Variants in ST3GAL2 observed in about 807,000 individuals in gnomAD.
ST3GAL2 encodes the protein ST3 beta-galactoside alpha-2,3-sialyltransferase 2.
Under a neutral mutation model 37.5 loss-of-function variants are expected in ST3GAL2, and 16 were observed. The ratio of observed to expected loss-of-function variants is 0.43; its 90% confidence interval spans 0.29 to 0.65. The LOEUF (loss-of-function observed/expected upper bound fraction) is 0.65, where lower values mean the gene tolerates loss of function less well. Ranked by LOEUF, ST3GAL2 falls within the 30% of genes least tolerant of loss-of-function variation. The pLI is 0.17. For synonymous variants in ST3GAL2, 238 were observed against 202.9 expected, an observed-to-expected ratio of 1.17 and a Z score of -1.47; for missense variants, 383 against 487.8, an observed-to-expected ratio of 0.79 and a Z score of 2.02.
chr16:70,433,070 C>A (rs1015883842), intron 1 of ST3GAL2, among the ~76,000 whole-genome samples: 3 of 152,236 alleles, frequency 2.0e-5, no homozygotes, highest in African/African-American at 7.2e-5. Flanking sequence ...GAGGCCACAT[C>A]ACCTTCTCCT....
At chr16:70,406,174 T>C (rs2047591136) in intron 1 of ST3GAL2, among the ~76,000 whole-genome samples, 1 of 152,060 alleles carries the variant, frequency 6.6e-6, no homozygotes. Context: ...CTGGGCGTGG[T>C]GGCTCACCCC....
intron 4 of ST3GAL2, among the ~76,000 whole-genome samples, chr16:70,383,498 G>A (rs578262388): frequency 4.8e-5 from 7 of 145,278 alleles, no homozygotes; most frequent in Non-Finnish European, 7.6e-5. Flanking sequence ...GTTTCAGTGC[G>A]CCGAGATCAC....
chr16:70,391,528 A>C (rs2047481920), intron 3 of ST3GAL2, among the ~76,000 whole-genome samples: 1 of 152,236 alleles, frequency 6.6e-6, no homozygotes, highest in South Asian at 2.1e-4. Flanking sequence ...TAAACTCCCC[A>C]TGCAGGTATT....
intron 3 of ST3GAL2, among the ~76,000 whole-genome samples, chr16:70,392,461 CT>C (rs2047488268): frequency 6.6e-6 from 1 of 152,230 alleles, no homozygotes; most frequent in South Asian, 2.1e-4. Flanking sequence ...TGTGTGCCCC[CT>C]GGTTAGGACC....
At chr16:70,394,892 A>G in intron 3 of ST3GAL2, 90 bp downstream of exon 3, 1 of 1,442,694 alleles carries the variant, frequency 6.9e-7, no homozygotes, top group African/African-American at 1.4e-5. Context: ...GGTAGCTGGC[A>G]GCATGCACCC....
intron 3 of ST3GAL2, among the ~76,000 whole-genome samples, chr16:70,390,294 A>G (rs2047474244): frequency 6.6e-6 from 1 of 151,894 alleles, no homozygotes; most frequent in Admixed American, 6.6e-5. Flanking sequence ...GCTGGTCTCA[A>G]TCTCCTGAAC....
At chr16:70,422,679 C>G (rs982568516) in intron 1 of ST3GAL2, among the ~76,000 whole-genome samples, 1 of 152,174 alleles carries the variant, frequency 6.6e-6, no homozygotes, top group Non-Finnish European at 1.5e-5. Context: ...GCCACACCCT[C>G]AGAGTCCAAA....
chr16:70,403,798 G>A (rs535845699), intron 1 of ST3GAL2, among the ~76,000 whole-genome samples: 101 of 152,224 alleles, frequency 6.6e-4, no homozygotes, highest in African/African-American at 2.4e-3. Context: ...GTGACAGAGT[G>A]AGACACTGTC....
At chr16:70,421,599 C>T (rs946252970) in intron 1 of ST3GAL2, among the ~76,000 whole-genome samples, 1 of 152,228 alleles carries the variant, frequency 6.6e-6, no homozygotes, top group Non-Finnish European at 1.5e-5. Context: ...TATGATACAG[C>T]TTGGGGTTAC....
chr16:70,415,082 G>C (rs1233360374), intron 1 of ST3GAL2, among the ~76,000 whole-genome samples: 1 of 152,108 alleles, frequency 6.6e-6, no homozygotes, highest in Non-Finnish European at 1.5e-5. Flanking sequence ...CACCGTGTTA[G>C]CCAGGATGGT....
At chr16:70,388,231 A>G in intron 4 of ST3GAL2, 136 bp downstream of exon 4, 1 of 1,106,464 alleles carries the variant, frequency 9.0e-7, no homozygotes, top group South Asian at 1.5e-5. Context: ...TCACCCACCA[A>G]CTTAGGCCCT....
chr16:70,393,086 AT>A (rs11421656), intron 3 of ST3GAL2, among the ~76,000 whole-genome samples: 408 of 135,458 alleles, frequency 3.0e-3, no homozygotes, highest in Non-Finnish European at 3.2e-3. Context: ...GCATCTATAA[AT>A]TTTTTTTTTT....
At chr16:70,414,817 C>T (rs1045223042) in intron 1 of ST3GAL2, among the ~76,000 whole-genome samples, 2 of 152,000 alleles carry the variant, frequency 1.3e-5, no homozygotes, top group African/African-American at 4.8e-5. Flanking sequence ...GGACTACAGG[C>T]GCCTGCCACC....
At chr16:70,426,694 G>C (rs1377326773) in intron 1 of ST3GAL2, among the ~76,000 whole-genome samples, 1 of 151,672 alleles carries the variant, frequency 6.6e-6, no homozygotes, top group African/African-American at 2.4e-5. Context: ...ATTTTTAGTA[G>C]AGACGGGGTT....
intron 4 of ST3GAL2, among the ~76,000 whole-genome samples, chr16:70,387,065 C>A (rs1486896588): frequency 6.6e-6 from 1 of 152,134 alleles, no homozygotes; most frequent in African/African-American, 2.4e-5. Context: ...ACCAGCCTGG[C>A]CAACATAGCG....
intron 3 of ST3GAL2, among the ~76,000 whole-genome samples, chr16:70,390,785 G>T (rs2047477145): frequency 6.6e-6 from 1 of 152,198 alleles, no homozygotes; most frequent in African/African-American, 2.4e-5. Context: ...TACAAGACAA[G>T]TAAAAACCAA....
intron 1 of ST3GAL2, among the ~76,000 whole-genome samples, chr16:70,403,001 C>A (rs2047566351): frequency 6.6e-6 from 1 of 152,198 alleles, no homozygotes; most frequent in Middle Eastern, 3.2e-3. Context: ...ACGATATATA[C>A]TACTTTGAGT....
rs370860992 is a variant in ST3GAL2, at chr16:70,382,701, T to G, written c.879+104A>C. 79 of 1,543,792 alleles carry G rather than the reference T, an allele frequency of 5.1e-5. 1 individual carries two copies. The African/African-American group carries it at 7.2e-4, about 14-fold the overall frequency. ...TGGGGGAAACCAAGGCCACATGGATTCTGCCTACAGAAGCACATTCCTCTG... is the reference window on the plus strand; with the variant it reads ...TGGGGGAAACCAAGGCCACATGGATGCTGCCTACAGAAGCACATTCCTCTG... On this transcript the variant is annotated intron_variant, in intron 6 of 6. Transcript: ENST00000342907.
Position 70,381,609 on chromosome 16 carries a change from C to G in ST3GAL2, c.*80G>C. 6.6e-7 allele frequency: 1 copy of G among 1,525,732 alleles called. No homozygotes were observed. The highest frequency in any genetic ancestry group is 8.8e-7 in the Non-Finnish European group (1 of 1,133,460). The allele number at this position is 1,525,732 out of a possible 1,614,324, so 94.5% of individuals were successfully genotyped here. ...GCCCCTGGGCTGCAGCATGATTGGT[C>G]GCGGGTTGCTGGTCCTGGGTCCCGG... is the stretch of plus-strand genomic sequence containing the variant. On this transcript the variant is annotated 3_prime_UTR_variant, in exon 7 of 7. Coordinates refer to ENST00000342907, the MANE Select transcript of ST3GAL2 (RefSeq NM_006927.4).
Sources: gnomAD v4.1 joint callset for allele counts (sites outside exome capture counted in the v4.1 genomes callset) on GRCh38, gnomAD v4.1.1 for gene constraint, MANE v1.5 for transcripts, NCBI Gene and HGNC (gene_info 2026-07-23, HGNC 2026-07-21) for gene names.